Variants in ATP10B observed in about 807,000 individuals in gnomAD.
ATP10B encodes the protein phospholipid-transporting ATPase VB.
ATP10B carries 122 observed loss-of-function variants against 141.2 expected under a neutral mutation model. That is an observed-to-expected ratio of 0.86 (90% CI 0.75 to 1.00). ATP10B has a LOEUF of 1.00. Ranked by LOEUF, ATP10B falls within the 50% of genes least tolerant of loss-of-function variation. The probability of loss-of-function intolerance (pLI) is 0.00; values close to 1 mark genes in which losing one functional copy is unlikely to be tolerated. For missense variants in ATP10B, 1,876 were observed against 1,825.3 expected, an observed-to-expected ratio of 1.03 and a Z score of -0.51; for synonymous variants, 685 against 692.0, an observed-to-expected ratio of 0.99 and a Z score of 0.16.
At chr5:160,714,912 C>T (rs1340150045) in intron 3 of ATP10B, among the ~76,000 whole-genome samples, 1 of 145,106 alleles carries the variant, frequency 6.9e-6, no homozygotes, top group African/African-American at 2.6e-5. Flanking sequence ...GGGGTGCCTC[C>T]CAGTTAGGCT....
intron 18 of ATP10B, among the ~76,000 whole-genome samples, chr5:160,610,857 C>T (rs556870062): frequency 9.9e-5 from 15 of 152,260 alleles, no homozygotes; most frequent in Admixed American, 2.6e-4. Context: ...TAGTAATTCT[C>T]TCATCTTCCG....
chr5:160,603,911 C>G lies in ATP10B; in HGVS notation c.3237+54G>C. 15 of 1,506,148 alleles carry G rather than the reference C, an allele frequency of 1.0e-5. 1 individual carries two copies. The South Asian group carries it at 1.6e-4, about 16-fold the overall frequency. 93.3% of individuals were successfully genotyped at this position (1,506,148 alleles called of 1,614,324 possible). A position where few individuals can be genotyped will look rare whatever the true frequency, so the allele number is the denominator to read the frequency against. On this transcript the variant is annotated intron_variant, in intron 20 of 25. Transcript: ENST00000327245. ...AGTTTCTCCAACACTCTGGATATTT[C>G]CTTGTATCTCAACTAAGGACCAAAG... is the stretch of plus-strand genomic sequence containing the variant.
At chr5:160,744,312 C>T (rs978212151) in intron 2 of ATP10B, among the ~76,000 whole-genome samples, 7 of 152,256 alleles carry the variant, frequency 4.6e-5, no homozygotes, top group South Asian at 2.1e-4. Context: ...TTCCTTAAGC[C>T]GACCCTACTT....
intron 21 of ATP10B, among the ~76,000 whole-genome samples, chr5:160,601,761 A>C (rs2127625204): frequency 6.6e-6 from 1 of 152,372 alleles, no homozygotes; most frequent in Non-Finnish European, 1.5e-5. Flanking sequence ...CTTCAAGGTC[A>C]TACAGCATGC....
intron 15 of ATP10B, 65 bp downstream of exon 15, chr5:160,620,282 A>C: frequency 6.5e-7 from 1 of 1,530,510 alleles, no homozygotes; most frequent in Non-Finnish European, 8.8e-7. Flanking sequence ...TCTTATTACC[A>C]TTCCACACTG....
In ATP10B at chr5:160,795,931, G is replaced by A. The variant is rs576102437; in HGVS notation, c.-575-10128C>T. On this transcript the variant is annotated intron_variant, in intron 1 of 25. Transcript: ENST00000327245. ...CTGTTGTTTTAGCCAACAAGTTTGT[G>A]GTAATTTATATGGCAGCCCTAGAAA... 2.3e-4 allele frequency among the ~76,000 whole-genome samples: 35 copies of A among 152,200 alleles called. 1 individual carries two copies. The highest frequency in any genetic ancestry group is 4.4e-4 in the Non-Finnish European group (30 of 67,982).
intron 3 of ATP10B, among the ~76,000 whole-genome samples, chr5:160,692,355 C>T (rs1764122400): frequency 6.6e-6 from 1 of 152,032 alleles, no homozygotes; most frequent in South Asian, 2.1e-4. Flanking sequence ...TGGCAGACAC[C>T]ACCTTACAAC....
At chr5:160,755,824 A>T (rs1228478882) in intron 2 of ATP10B, among the ~76,000 whole-genome samples, 66 of 65,908 alleles carry the variant, frequency 1.0e-3, no homozygotes, top group East Asian at 4.9e-3. Context: ...CAAAAAAAAA[A>T]AAAAAAAAAA....
upstream of ATP10B, among the ~76,000 whole-genome samples, chr5:160,856,721 T>C (rs189917347): frequency 3.9e-5 from 6 of 151,948 alleles, no homozygotes; most frequent in African/African-American, 1.2e-4. Context: ...GGAGTTCTCT[T>C]GTATTTCTAT....
At chr5:160,773,620 A>T (rs1007328670) in intron 2 of ATP10B, among the ~76,000 whole-genome samples, 4 of 152,178 alleles carry the variant, frequency 2.6e-5, no homozygotes, top group Non-Finnish European at 5.9e-5. Context: ...ATATTTTTCC[A>T]ACATCACACA....
chr5:160,579,724 G>A (rs183024604), intron 24 of ATP10B, among the ~76,000 whole-genome samples: 16 of 152,194 alleles, frequency 1.1e-4, no homozygotes, highest in Admixed American at 2.6e-4. Context: ...AGCTTGATGG[G>A]GATAGCATTG....
At chr5:160,847,381 T>C (rs1395729686) in intron 1 of ATP10B, among the ~76,000 whole-genome samples, 1 of 152,192 alleles carries the variant, frequency 6.6e-6, no homozygotes, top group Non-Finnish European at 1.5e-5. Flanking sequence ...TTGTAAGCAA[T>C]AAATAAGCTG....
chr5:160,771,298 G>A (rs1769881281), intron 2 of ATP10B, among the ~76,000 whole-genome samples: 1 of 152,284 alleles, frequency 6.6e-6, no homozygotes, highest in South Asian at 2.1e-4. Context: ...TCATGCTGAG[G>A]AGTATTTGGG....
At chr5:160,866,706 T>C in the ATP10B span, among the ~76,000 whole-genome samples, 1 of 151,716 alleles carries the variant, frequency 6.6e-6, no homozygotes, top group African/African-American at 2.4e-5. Flanking sequence ...CAAAACAAAA[T>C]AAATGATATA....
the ATP10B span, among the ~76,000 whole-genome samples, chr5:160,909,148 G>T: frequency 1.3e-5 from 2 of 152,200 alleles, no homozygotes; most frequent in Admixed American, 1.3e-4. Context: ...GGCTCTGATA[G>T]AGAAGGGCAG....
At chr5:160,902,382 T>A in the ATP10B span, among the ~76,000 whole-genome samples, 1 of 152,308 alleles carries the variant, frequency 6.6e-6, no homozygotes, top group Non-Finnish European at 1.5e-5. Flanking sequence ...CTATATGACC[T>A]TAAAGAAACA....
chr5:160,647,037 G>T lies in ATP10B; in HGVS notation c.761+2134C>A, dbSNP rs147115235. On this transcript the variant is annotated intron_variant, in intron 8 of 25. Coordinates refer to ENST00000327245, the MANE Select transcript of ATP10B (RefSeq NM_025153.3). ...TTCTAGACATTGTCAAATGTCTCCT[G>T]GTTGGAGGGGTGGTTTTGTTGTTGG... Among the ~76,000 whole-genome samples, 257 of 152,308 alleles carry T rather than the reference G, an allele frequency of 1.7e-3. 3 individuals are homozygous for T. Among genetic ancestry groups the T allele is most frequent in the East Asian group, 0.015 (80 of 5,188 alleles).
intron 2 of ATP10B, among the ~76,000 whole-genome samples, chr5:160,736,321 G>T (rs537516359): frequency 5.3e-5 from 8 of 152,200 alleles, no homozygotes; most frequent in Non-Finnish European, 1.0e-4. Flanking sequence ...GTTAGTGGCT[G>T]CTATGAGCAA....
At chr5:160,634,675 G>A (rs1759222815) in intron 11 of ATP10B, 69 bp from the exon 12 acceptor site, 2 of 1,498,712 alleles carry the variant, frequency 1.3e-6, no homozygotes, top group Non-Finnish European at 1.8e-6. Flanking sequence ...CTCACTAGCA[G>A]GTAGCAAAGG....
Sources: allele counts gnomAD v4.1 joint callset (sites outside exome capture counted in the v4.1 genomes callset), GRCh38; gene constraint gnomAD v4.1.1; transcripts MANE v1.5; gene names NCBI Gene and HGNC (gene_info 2026-07-23, HGNC 2026-07-21).